The following WDPCP variants were observed in gnomAD, a reference collection of about 807,000 sequenced individuals.
WDPCP encodes the protein WD repeat containing planar cell polarity effector.
WDPCP carries 71 observed loss-of-function variants against 93.1 expected under a neutral mutation model. The observed-to-expected ratio is 0.76, with a 90% confidence interval of 0.63 to 0.93. WDPCP has a LOEUF of 0.93. WDPCP is among the 40% of genes least tolerant of loss of function. The pLI is 0.00. For missense variants in WDPCP, 844 were observed against 887.4 expected, an observed-to-expected ratio of 0.95 and a Z score of 0.62; for synonymous variants, 315 against 315.0, an observed-to-expected ratio of 1.00 and a Z score of 0.00.
intron 6 of WDPCP, among the ~76,000 whole-genome samples, chr2:63,460,866 T>A (rs1259088744): frequency 2.6e-5 from 4 of 152,078 alleles, no homozygotes; most frequent in Admixed American, 2.6e-4. Flanking sequence ...GACCTCGTGA[T>A]TCACCCACCT....
intron 1 of WDPCP, among the ~76,000 whole-genome samples, chr2:63,547,744 A>G (rs1705259403): frequency 6.8e-6 from 1 of 146,318 alleles, no homozygotes; most frequent in African/African-American, 2.7e-5. Flanking sequence ...AAGGTAGAAA[A>G]AGAAAAAAAA....
intron 2 of WDPCP, among the ~76,000 whole-genome samples, chr2:63,679,723 A>G (rs1216975297): frequency 6.6e-6 from 1 of 152,030 alleles, no homozygotes. Flanking sequence ...TGCTGATCCC[A>G]GATATGAGTA....
At chr2:63,484,459 C>G (rs1314514698) in intron 6 of WDPCP, 145 bp downstream of exon 6, 1 of 864,260 alleles carries the variant, frequency 1.2e-6, no homozygotes, top group Non-Finnish European at 1.9e-6. Context: ...AATGTTAGCT[C>G]TAGAACAACT....
At chr2:63,595,548 A>G (rs767620129) in intron 3 of WDPCP, 2 of 1,331,146 alleles carry the variant, frequency 1.5e-6, no homozygotes, top group East Asian at 2.3e-5. Context: ...AAGGGATTTT[A>G]TGGTATTTGA....
chr2:63,665,307 G>A (rs1333154732), intron 2 of WDPCP, among the ~76,000 whole-genome samples: 1 of 152,162 alleles, frequency 6.6e-6, no homozygotes, highest in Admixed American at 6.5e-5. Context: ...CTAGCATCTG[G>A]TGGTTTGCTG....
At chr2:63,191,041 G>A (rs1675002115) in intron 14 of WDPCP, among the ~76,000 whole-genome samples, 1 of 152,204 alleles carries the variant, frequency 6.6e-6, no homozygotes, top group African/African-American at 2.4e-5. Flanking sequence ...TCAGTTTATA[G>A]ATGTTTGATC....
At chr2:63,754,928 C>T (rs755114840) in intron 2 of WDPCP, among the ~76,000 whole-genome samples, 8 of 152,100 alleles carry the variant, frequency 5.3e-5, no homozygotes, top group Non-Finnish European at 8.8e-5. Context: ...ATGAGTTTGC[C>T]ATCAGATGTG....
chr2:63,397,334 C>T (rs973772534), intron 10 of WDPCP, among the ~76,000 whole-genome samples: 4 of 152,014 alleles, frequency 2.6e-5, no homozygotes, highest in Middle Eastern at 3.4e-3. Flanking sequence ...AAGAAGAATA[C>T]GAGAGGAAAA....
intron 2 of WDPCP, among the ~76,000 whole-genome samples, chr2:63,744,264 C>A (rs1669763007): frequency 6.6e-6 from 1 of 152,076 alleles, no homozygotes; most frequent in Non-Finnish European, 1.5e-5. Context: ...TATACTCTAA[C>A]CTGAAAGCTG....
intron 2 of WDPCP, among the ~76,000 whole-genome samples, chr2:63,794,404 A>T (rs1167110135): frequency 6.6e-6 from 1 of 152,198 alleles, no homozygotes; most frequent in Non-Finnish European, 1.5e-5. Flanking sequence ...TTCCCTTAGA[A>T]AAAGGCTGAC....
intron 9 of WDPCP, among the ~76,000 whole-genome samples, chr2:63,414,351 C>A (rs1695242748): frequency 6.6e-6 from 1 of 152,118 alleles, no homozygotes; most frequent in South Asian, 2.1e-4. Context: ...GAAAAAAAGT[C>A]ATTATATTAA....
intron 3 of WDPCP, 51 bp downstream of exon 3, chr2:63,487,396 G>A (rs1575510836): frequency 7.5e-7 from 1 of 1,326,334 alleles, no homozygotes; most frequent in East Asian, 2.3e-5. Context: ...GTATTTCATG[G>A]TTTAGAATAT....
chr2:63,721,144 A>T (rs1311729801), intron 2 of WDPCP, among the ~76,000 whole-genome samples: 1 of 152,256 alleles, frequency 6.6e-6, no homozygotes, highest in Admixed American at 6.5e-5. Flanking sequence ...TGATTTAGAT[A>T]CATGAGTCAA....
At chr2:63,262,401 G>A (rs1452018255) in intron 13 of WDPCP, among the ~76,000 whole-genome samples, 1 of 152,058 alleles carries the variant, frequency 6.6e-6, no homozygotes, top group Non-Finnish European at 1.5e-5. Flanking sequence ...GTAAAACTCA[G>A]TGGAGCTCTA....
intron 13 of WDPCP, among the ~76,000 whole-genome samples, chr2:63,271,921 G>A (rs1410690738): frequency 6.6e-6 from 1 of 152,002 alleles, no homozygotes; most frequent in Non-Finnish European, 1.5e-5. Context: ...TGAGCCTCTA[G>A]GTTGTCCCAA....
rs190900556 is a variant in WDPCP, at chr2:63,800,172, A to C, written n.308+13450T>G. ...TAGAATGTATCCAAATAGGATTCAC[A>C]ACTGAATGGCAACATATAACTTAAT... is the stretch of plus-strand genomic sequence containing the variant. On this transcript the variant is annotated intron_variant and non_coding_transcript_variant, in intron 2 of 4. Coordinates refer to the WDPCP transcript ENST00000467687. 2.9e-4 allele frequency among the ~76,000 whole-genome samples: 44 copies of C among 152,328 alleles called. No individual in the cohort carries two copies. In the East Asian group the frequency reaches 6.4e-3, roughly 22 times the overall value.
intron 12 of WDPCP, among the ~76,000 whole-genome samples, chr2:63,354,508 G>C (rs1689861700): frequency 6.6e-6 from 1 of 152,210 alleles, no homozygotes; most frequent in African/African-American, 2.4e-5. Context: ...GGCTGCAACT[G>C]TGAGCAAACA....
At chr2:63,313,222 C>T (rs767509719) in intron 13 of WDPCP, 26 bp downstream of exon 13, 2 of 1,610,708 alleles carry the variant, frequency 1.2e-6, no homozygotes, top group South Asian at 1.1e-5. Context: ...ACTGAAGGCA[C>T]AAAATCATCT....
At chr2:63,311,811 A>G (rs2103931517) in intron 13 of WDPCP, among the ~76,000 whole-genome samples, 1 of 152,324 alleles carries the variant, frequency 6.6e-6, no homozygotes, top group Middle Eastern at 3.4e-3. Context: ...AACATTAGAA[A>G]TTAAAGAACA....
Sources: gnomAD v4.1 joint callset for allele counts (sites outside exome capture counted in the v4.1 genomes callset) on GRCh38, gnomAD v4.1.1 for gene constraint, MANE v1.5 for transcripts, NCBI Gene and HGNC (gene_info 2026-07-23, HGNC 2026-07-21) for gene names.